Variants in CALN1 observed in about 807,000 individuals in gnomAD.
The protein encoded by CALN1 is calcium-binding protein 8.
CALN1 carries 17 observed loss-of-function variants against 30.6 expected under a neutral mutation model. The ratio of observed to expected loss-of-function variants is 0.56; its 90% CI spans 0.38 to 0.83. CALN1 has a LOEUF of 0.83. CALN1 is among the 40% of genes least tolerant of loss of function. CALN1 has a pLI of 0.00. For synonymous variants in CALN1, 156 were observed against 131.4 expected (o/e 1.19, Z -1.28); for missense variants, 291 against 354.9 (o/e 0.82, Z 1.45).
intron 4 of CALN1, among the ~76,000 whole-genome samples, chr7:72,034,836 G>A (rs1274841804): frequency 1.4e-5 from 2 of 145,558 alleles, no homozygotes; most frequent in East Asian, 4.0e-4. Context: ...AGGATCTATA[G>A]GAAGATCCCT....
intron 1 of CALN1, among the ~76,000 whole-genome samples, chr7:72,428,714 G>C (rs1807875086): frequency 6.6e-6 from 1 of 152,152 alleles, no homozygotes; most frequent in South Asian, 2.1e-4. Flanking sequence ...AAACTAGAAG[G>C]ATGGTCTGGC....
chr7:72,379,850 A>C (rs2129560746), intron 2 of CALN1, among the ~76,000 whole-genome samples: 1 of 152,342 alleles, frequency 6.6e-6, no homozygotes, highest in Admixed American at 6.5e-5. Flanking sequence ...AGGGACCTGA[A>C]AATGACATGG....
chr7:71,859,029 C>T (rs1791116645), intron 5 of CALN1, among the ~76,000 whole-genome samples: 1 of 151,732 alleles, frequency 6.6e-6, no homozygotes, highest in South Asian at 2.1e-4. Flanking sequence ...GCTGGGTAAT[C>T]ATTTTTCTTT....
At chr7:71,795,052 C>T (rs1025003497) in intron 6 of CALN1, among the ~76,000 whole-genome samples, 2 of 151,908 alleles carry the variant, frequency 1.3e-5, no homozygotes, top group Non-Finnish European at 2.9e-5. Flanking sequence ...GAGATGGAGT[C>T]TCACTCTGTT....
At chr7:72,450,268 C>G (rs1434999892), upstream of CALN1, among the ~76,000 whole-genome samples, 2 of 152,152 alleles carry the variant, frequency 1.3e-5, no homozygotes, top group Non-Finnish European at 2.9e-5. Context: ...AATTTCTTGT[C>G]CTCCATTTTC....
intron 3 of CALN1, among the ~76,000 whole-genome samples, chr7:72,153,558 C>G (rs978428647): frequency 6.6e-6 from 1 of 151,816 alleles, no homozygotes; most frequent in Admixed American, 6.6e-5. Flanking sequence ...GTGGTATGTG[C>G]CTACAGTCCC....
chr7:72,204,416 A>G (rs535097017), intron 3 of CALN1, among the ~76,000 whole-genome samples: 22 of 152,270 alleles, frequency 1.4e-4, no homozygotes, highest in African/African-American at 4.6e-4. Context: ...ATTATTTTCA[A>G]TGACCATATT....
intron 5 of CALN1, among the ~76,000 whole-genome samples, chr7:71,899,145 C>CTTT (rs35581465): frequency 4.6e-4 from 63 of 135,562 alleles, no homozygotes; most frequent in South Asian, 4.1e-3. Flanking sequence ...GCAGAGACAT[C>CTTT]TTTTTTTTTT....
chr7:72,462,034 G>A, the CALN1 span, among the ~76,000 whole-genome samples: 1 of 149,362 alleles, frequency 6.7e-6, no homozygotes, highest in African/African-American at 2.5e-5. Context: ...AAAAAAAAAA[G>A]GACATCACTT....
At chr7:72,409,472 G>A (rs187962802) in intron 1 of CALN1, among the ~76,000 whole-genome samples, 1 of 148,008 alleles carries the variant, frequency 6.8e-6, no homozygotes, top group Non-Finnish European at 1.5e-5. Context: ...CAGCCTCTGA[G>A]GAAGGAGGCA....
Position 72,205,568 on chromosome 7 carries a change from GTA to G in CALN1, c.244+73116_244+73117del, listed in dbSNP as rs1253422246. On this transcript the variant is annotated intron_variant, in intron 3 of 6. Transcript: ENST00000395275. ...AAAAAAAAAATATATATATATATATGTATATATATATATATATATTCAGGAGA... is the reference window on the plus strand; with the variant it reads ...AAAAAAAAAATATATATATATATATGTATATATATATATATATTCAGGAGA... Among the ~76,000 whole-genome samples, 71 of 91,730 alleles carry G rather than the reference GTA, an allele frequency of 7.7e-4. 2 individuals carry two copies. The highest frequency in any genetic ancestry group is 3.8e-3 in the East Asian group (5 of 1,304). The allele number at this position is 91,730 out of a possible 152,430, so 60.2% of individuals were successfully genotyped here. A position where few individuals can be genotyped will look rare whatever the true frequency, so the allele number is the denominator to read the frequency against.
Position 72,047,981 on chromosome 7 carries a change from A to C in CALN1, c.389-24212T>G, listed in dbSNP as rs534803641. 2.6e-5 allele frequency among the ~76,000 whole-genome samples: 4 copies of C among 152,062 alleles called. No homozygotes were observed. The South Asian group carries it at 8.3e-4, about 32-fold the overall frequency. ...AGTAAGAGATGCTCATAAGCATCTA[A>C]CACAGTGTGGGCACAGATTTCAGAG... On this transcript the variant is annotated intron_variant, in intron 4 of 6. Transcript: ENST00000395275.
At chr7:71,940,821 C>T (rs1440093524) in intron 5 of CALN1, among the ~76,000 whole-genome samples, 1 of 152,104 alleles carries the variant, frequency 6.6e-6, no homozygotes. Context: ...CCATGGTGCC[C>T]AGGCTGATCT....
chr7:71,823,498 T>A (rs1788715463), intron 5 of CALN1, among the ~76,000 whole-genome samples: 1 of 152,074 alleles, frequency 6.6e-6, no homozygotes, highest in Non-Finnish European at 1.5e-5. Flanking sequence ...GGCAGGCGGA[T>A]CACAAGGTCA....
At chr7:72,025,798 C>G (rs1289987352) in intron 4 of CALN1, among the ~76,000 whole-genome samples, 1 of 152,168 alleles carries the variant, frequency 6.6e-6, no homozygotes, top group Non-Finnish European at 1.5e-5. Context: ...TCTCAGAGTG[C>G]ATTCACCTTC....
At chr7:72,227,374 T>C (rs1793761574) in intron 3 of CALN1, among the ~76,000 whole-genome samples, 1 of 151,974 alleles carries the variant, frequency 6.6e-6, no homozygotes, top group South Asian at 2.1e-4. Context: ...ACCCTGTCTC[T>C]ATTAAAAATA....
chr7:72,018,582 G>GT (rs2129529853), intron 5 of CALN1, among the ~76,000 whole-genome samples: 1 of 152,286 alleles, frequency 6.6e-6, no homozygotes, highest in Admixed American at 6.5e-5. Flanking sequence ...AGGGCTGAGC[G>GT]TATGCCGGGA....
chr7:72,106,198 G>C lies in CALN1; in HGVS notation c.341C>G (p.Pro114Arg). The change falls in exon 4 of 7, where the codon CCA becomes CGA. Residue 114 changes from proline to arginine, a missense_variant. This residue lies in a region of CALN1 where 169 missense variants were observed against 251.7 expected (regional missense o/e 0.67). Transcript: ENST00000395275. ...GMAMRSLGYM[P>R]SEVELAIIMQ... Reference sequence around the variant, plus strand: ...GATGATGGCCAGCTCCACCTCGCTTGGCATGTACCCCAAAGAGCGCATGGC... The same window carrying C: ...GATGATGGCCAGCTCCACCTCGCTTCGCATGTACCCCAAAGAGCGCATGGC... 2 of 1,614,052 alleles carry C rather than the reference G, an allele frequency of 1.2e-6. No homozygotes were observed. The highest frequency in any genetic ancestry group is 1.7e-6 in the Non-Finnish European group (2 of 1,180,020).
intron 4 of CALN1, among the ~76,000 whole-genome samples, chr7:72,071,162 C>CA (rs1472499340): frequency 1.3e-5 from 2 of 152,182 alleles, no homozygotes; most frequent in African/African-American, 4.8e-5. Flanking sequence ...CCCCTACTCC[C>CA]AATCCCATGG....
Sources: allele counts gnomAD v4.1 joint callset (sites outside exome capture counted in the v4.1 genomes callset), GRCh38; gene constraint gnomAD v4.1.1; regional missense constraint gnomAD v4.1.1; transcripts MANE v1.5; gene names NCBI Gene and HGNC (gene_info 2026-07-23, HGNC 2026-07-21).